The following EPB41L1 variants were observed in gnomAD, a reference collection of about 807,000 sequenced individuals.
The protein encoded by EPB41L1 is band 4.1-like protein 1.
Under a neutral mutation model 97.8 loss-of-function variants are expected in EPB41L1, and 29 were observed. The ratio of observed to expected loss-of-function variants is 0.30; its 90% CI spans 0.22 to 0.40. The LOEUF is 0.40. Among genes scored for constraint, EPB41L1 ranks in the 10% least tolerant of loss-of-function variants. The pLI is 1.00. For synonymous variants in EPB41L1, 383 were observed against 459.2 expected (o/e 0.83, Z 2.12); for missense variants, 812 against 1,162.3 (o/e 0.70, Z 4.38).
intron 5 of EPB41L1, among the ~76,000 whole-genome samples, chr20:36,180,350 C>T (rs931781763): frequency 6.6e-6 from 1 of 152,190 alleles, no homozygotes; most frequent in African/African-American, 2.4e-5. Context: ...TCCCAAACCT[C>T]AGTGCACCTG....
At chr20:36,136,888 T>A (rs1984093791) in intron 2 of EPB41L1, among the ~76,000 whole-genome samples, 1 of 152,062 alleles carries the variant, frequency 6.6e-6, no homozygotes, top group African/African-American at 2.4e-5. Context: ...TTTAATTTTT[T>A]AAAATTTACT....
chr20:36,118,773 AT>A, intron 2 of EPB41L1, among the ~76,000 whole-genome samples: 1 of 152,328 alleles, frequency 6.6e-6, no homozygotes, highest in Non-Finnish European at 1.5e-5. Context: ...ATGTAAATTT[AT>A]TTATTTATTT....
At chr20:36,152,973 G>C (rs1157050159), upstream of EPB41L1, 1 of 456,296 alleles carries the variant, frequency 2.2e-6, no homozygotes. Context: ...TGGAGGGTGG[G>C]CCTGTTCTCT....
intron 6 of EPB41L1, among the ~76,000 whole-genome samples, chr20:36,184,633 A>AT (rs2146200060): frequency 6.6e-6 from 1 of 152,334 alleles, no homozygotes; most frequent in South Asian, 2.1e-4. Flanking sequence ...GGTATGAAAA[A>AT]GTGAGCTGTT....
intron 15 of EPB41L1, among the ~76,000 whole-genome samples, chr20:36,210,318 G>A (rs2063060774): frequency 6.6e-6 from 1 of 152,056 alleles, no homozygotes. Context: ...CCCGGGGAAG[G>A]GGAAGCAGTT....
intron 2 of EPB41L1, among the ~76,000 whole-genome samples, chr20:36,124,031 G>A (rs2058857432): frequency 6.6e-6 from 1 of 152,036 alleles, no homozygotes. Context: ...GGCGGATCAC[G>A]AAGTCAGGAG....
intron 2 of EPB41L1, among the ~76,000 whole-genome samples, chr20:36,127,635 C>T (rs1443923189): frequency 6.6e-6 from 1 of 152,200 alleles, no homozygotes; most frequent in African/African-American, 2.4e-5. Context: ...CAGACTCACT[C>T]TTGGCCTTGG....
intron 15 of EPB41L1, among the ~76,000 whole-genome samples, chr20:36,211,075 AAAAAC>A (rs901749971): frequency 3.9e-5 from 6 of 152,144 alleles, no homozygotes; most frequent in East Asian, 1.9e-4. Flanking sequence ...CTTGTCTCTT[AAAAAC>A]AAAACAAAAC....
At chr20:36,132,192 C>T (rs912069691) in intron 2 of EPB41L1, among the ~76,000 whole-genome samples, 1 of 152,094 alleles carries the variant, frequency 6.6e-6, no homozygotes, top group African/African-American at 2.4e-5. Context: ...AAATGGATGA[C>T]CCTAGACTTC....
intron 2 of EPB41L1, chr20:36,125,329 C>A: frequency 1.5e-6 from 1 of 664,514 alleles, no homozygotes; most frequent in Non-Finnish European, 2.7e-6. Context: ...GAGTCAGATG[C>A]TTGGATTTCT....
chr20:36,165,129 G>A (rs1038833418), intron 1 of EPB41L1, among the ~76,000 whole-genome samples: 1 of 152,012 alleles, frequency 6.6e-6, no homozygotes, highest in Non-Finnish European at 1.5e-5. Flanking sequence ...TTACAGGCAC[G>A]CACCACCACA....
chr20:36,133,749 C>T (rs2059310174), intron 2 of EPB41L1, among the ~76,000 whole-genome samples: 1 of 151,332 alleles, frequency 6.6e-6, no homozygotes, highest in African/African-American at 2.4e-5. Flanking sequence ...CCCAACTACT[C>T]AGGAGGCTGA....
rs2061343022 is a variant in EPB41L1, at chr20:36,178,493, G to A, written c.448-137G>A. 4.6e-6 allele frequency: 4 copies of A among 878,346 alleles called. No individual in the cohort carries two copies. In the African/African-American group the frequency reaches 6.6e-5, roughly 14 times the overall value. 54.4% of individuals were successfully genotyped at this position (878,346 alleles called of 1,614,324 possible). On this transcript the variant is annotated intron_variant, in intron 4 of 21. Transcript: ENST00000338074. The stretch of plus-strand genomic sequence containing the variant: ...CTCACCCCCTAGTCCCAAGGAAAAG[G>A]AACCAAGAGGCTTAGCCAAGGAAGG...
chr20:36,137,145 G>A (rs1349672114), intron 2 of EPB41L1, among the ~76,000 whole-genome samples: 1 of 150,348 alleles, frequency 6.7e-6, no homozygotes, highest in Admixed American at 6.6e-5. Context: ...CTCAATCTCG[G>A]TTCACTGCAA....
At chr20:36,186,147 C>T (rs1202623265) in intron 7 of EPB41L1, among the ~76,000 whole-genome samples, 1 of 152,172 alleles carries the variant, frequency 6.6e-6, no homozygotes, top group Non-Finnish European at 1.5e-5. Context: ...CTTCTCAGTC[C>T]TTGTAACAAC....
intron 2 of EPB41L1, among the ~76,000 whole-genome samples, chr20:36,138,977 A>C (rs1310129568): frequency 1.3e-5 from 2 of 152,112 alleles, no homozygotes; most frequent in Non-Finnish European, 2.9e-5. Context: ...AAGTTTTGTG[A>C]GTTGGAAACT....
intron 1 of EPB41L1, among the ~76,000 whole-genome samples, chr20:36,108,880 G>A (rs995915901): frequency 2.6e-5 from 4 of 152,044 alleles, no homozygotes; most frequent in Non-Finnish European, 2.9e-5. Flanking sequence ...ACCCCAGCCC[G>A]GGCCTTGCCC....
intron 2 of EPB41L1, among the ~76,000 whole-genome samples, chr20:36,139,155 AC>A (rs981325136): frequency 1.3e-5 from 2 of 152,194 alleles, no homozygotes; most frequent in African/African-American, 4.8e-5. Flanking sequence ...GGGACGCTGT[AC>A]CCCCAGAGAG....
intron 17 of EPB41L1, among the ~76,000 whole-genome samples, chr20:36,215,365 C>T (rs959949713): frequency 2.0e-5 from 3 of 152,238 alleles, no homozygotes; most frequent in East Asian, 1.9e-4. Context: ...GAACATCAGC[C>T]GCATGGGGCT....
Sources: allele counts gnomAD v4.1 joint callset (sites outside exome capture counted in the v4.1 genomes callset), GRCh38; gene constraint gnomAD v4.1.1; transcripts MANE v1.5; gene names NCBI Gene and HGNC (gene_info 2026-07-23, HGNC 2026-07-21).